The following GRPEL1 variants were observed in gnomAD, a reference collection of about 807,000 sequenced individuals.
GRPEL1 encodes the protein GrpE like 1, mitochondrial.
GRPEL1 carries 13 observed loss-of-function variants against 22.1 expected under a neutral mutation model. That is an observed-to-expected ratio of 0.59 (90% CI 0.38 to 0.94). The LOEUF is 0.94. Among genes scored for constraint, GRPEL1 ranks in the 40% least tolerant of loss-of-function variants. The probability of loss-of-function intolerance (pLI) is 0.00; values close to 1 mark genes in which losing one functional copy is unlikely to be tolerated. For missense variants in GRPEL1, 289 were observed against 264.6 expected, an observed-to-expected ratio of 1.09 and a Z score of -0.64; for synonymous variants, 109 against 105.3, an observed-to-expected ratio of 1.03 and a Z score of -0.21.
intron 2 of GRPEL1, among the ~76,000 whole-genome samples, chr4:7,062,668 C>T (rs564745528): frequency 7.2e-5 from 11 of 151,880 alleles, no homozygotes; most frequent in East Asian, 5.8e-4. Context: ...CCTGCCACCA[C>T]GCCCAGCTAA....
In GRPEL1 at chr4:7,061,110, G is replaced by A. The variant is rs548107922; in HGVS notation, c.406C>T (p.His136Tyr). ...AGCCCCTCATAGAGGTTCTTCAGGT[G>A]AGGGTTATCGTCTTTAATTTCTTCT... ...PKEEIKDDNP[H>Y]LKNLYEGLVM... The change falls in exon 4 of 4, where the codon CAC (histidine) becomes TAC (tyrosine). Residue 136 changes from histidine (H) to tyrosine (Y), a missense_variant. His to Tyr is a moderately conservative substitution (Grantham distance 83). Transcript: ENST00000264954. 41 of 1,614,108 alleles carry A rather than the reference G, an allele frequency of 2.5e-5. No individual in the cohort carries two copies. Among genetic ancestry groups the A allele is most frequent in the Non-Finnish European group, 3.4e-5 (40 of 1,180,054 alleles).
rs1021208628 is a variant in GRPEL1, at chr4:7,059,479, A to G, written c.*1383T>C. On this transcript the variant is annotated 3_prime_UTR_variant, in exon 4 of 4. Coordinates refer to ENST00000264954, the MANE Select transcript of GRPEL1 (RefSeq NM_025196.4). The stretch of plus-strand genomic sequence containing the variant: ...GAAAACAGGCAGCGCTGGAGCTCCC[A>G]GTCATGTTTTCTTCAATACACGATG... The G allele has an allele frequency of 1.3e-5, 2 of 152,242 alleles. No individual in the cohort carries two copies. Among genetic ancestry groups the G allele is most frequent in the East Asian group, 1.9e-4 (1 of 5,196 alleles). 9.4% of individuals were successfully genotyped at this position (152,242 alleles called of 1,614,324 possible).
At position 7,061,059 on chromosome 4, in the gene GRPEL1, T is replaced by C. The variant is rs146983457; in HGVS notation, c.457A>G (p.Lys153Glu). 9.3e-6 allele frequency: 15 copies of C among 1,614,228 alleles called. No individual in the cohort carries two copies. In the African/African-American group the frequency reaches 2.0e-4, roughly 22 times the overall value. The change falls in exon 4 of 4, where the codon AAG (lysine) becomes GAG (glutamate). Residue 153 changes from lysine to glutamate, a missense_variant. Lys to Glu is a moderately conservative substitution (Grantham distance 56, BLOSUM62 1). Coordinates refer to ENST00000264954, the MANE Select transcript of GRPEL1 (RefSeq NM_025196.4). ...GLVMTEVQIQ[K>E]VFTKHGLLKL... ...AGCAAGCCATGCTTTGTGAACACCT[T>C]CTGGATCTGGACTTCAGTCATGACC...
Sources: allele counts gnomAD v4.1 joint callset (sites outside exome capture counted in the v4.1 genomes callset), GRCh38; gene constraint gnomAD v4.1.1; transcripts MANE v1.5; gene names NCBI Gene and HGNC (gene_info 2026-07-23, HGNC 2026-07-21).